Variants in FAT3 observed in about 807,000 individuals in gnomAD.
FAT3 encodes the protein FAT atypical cadherin 3.
Under a neutral mutation model 310.2 loss-of-function variants are expected in FAT3, and 95 were observed. The observed-to-expected ratio is 0.31, with a 90% CI of 0.26 to 0.36. The LOEUF (loss-of-function observed/expected upper bound fraction) is 0.36, where lower values mean the gene tolerates loss of function less well. FAT3 is among the 10% of genes least tolerant of loss of function. FAT3 has a pLI of 1.00. For missense variants in FAT3, 5,408 were observed against 5,715.6 expected, an observed-to-expected ratio of 0.95 and a Z score of 1.74; for synonymous variants, 2,314 against 2,192.9, an observed-to-expected ratio of 1.06 and a Z score of -1.54.
In FAT3 at chr11:92,355,181, T is replaced by C; in HGVS notation, c.3069T>C (p.Ser1023=). 1.2e-6 allele frequency: 2 copies of C among 1,613,842 alleles called. No individual in the cohort carries two copies. Among genetic ancestry groups the C allele is most frequent in the Non-Finnish European group, 8.5e-7 (1 of 1,179,852 alleles). The change falls in exon 2 of 28, where the codon TCT becomes TCC. Residue 1023 remains serine, a synonymous_variant. Transcript: ENST00000525166. ...KDKGRPVSLS[S]VSFVEVEVVD... ...AAGGGCGGCCTGTCTCTCTGTCATC[T>C]GTTTCCTTTGTTGAGGTGGAAGTGG... is the stretch of plus-strand genomic sequence containing the variant.
chr11:92,833,298 C>T (rs1371489823), intron 14 of FAT3, among the ~76,000 whole-genome samples: 2 of 152,174 alleles, frequency 1.3e-5, no homozygotes, highest in African/African-American at 2.4e-5. Flanking sequence ...ACCTTCCAGC[C>T]TTTGCACATA....
chr11:92,773,921 A>G, intron 6 of FAT3, 120 bp from the exon 7 acceptor site: 1 of 944,894 alleles, frequency 1.1e-6, no homozygotes, highest in Non-Finnish European at 1.6e-6. Flanking sequence ...TACAAAATTG[A>G]GCCATAGGGA....
At chr11:92,416,090 A>C (rs1950405058) in intron 2 of FAT3, among the ~76,000 whole-genome samples, 1 of 149,640 alleles carries the variant, frequency 6.7e-6, no homozygotes, top group Non-Finnish European at 1.5e-5. Context: ...AAAAAAAAAA[A>C]AAAAGTCCGG....
intron 4 of FAT3, among the ~76,000 whole-genome samples, chr11:92,704,573 T>C (rs1944208588): frequency 6.6e-6 from 1 of 152,110 alleles, no homozygotes; most frequent in Non-Finnish European, 1.5e-5. Context: ...GGCTGACTAA[T>C]GTCCTTATAA....
At chr11:92,673,341 C>A (rs1943190551) in intron 3 of FAT3, among the ~76,000 whole-genome samples, 2 of 152,156 alleles carry the variant, frequency 1.3e-5, no homozygotes, top group South Asian at 4.1e-4. Context: ...TAGTGAACAT[C>A]CACTATATGT....
At chr11:92,889,159 C>T (rs1165532616) in intron 25 of FAT3, 30 bp from the exon 26 acceptor site, 1 of 703,650 alleles carries the variant, frequency 1.4e-6, no homozygotes, top group Non-Finnish European at 2.6e-6. Flanking sequence ...TGTCCTTCCC[C>T]TACCTCCGAC....
chr11:92,343,861 C>T (rs553380996), intron 1 of FAT3, among the ~76,000 whole-genome samples: 131 of 152,166 alleles, frequency 8.6e-4, no homozygotes, highest in Non-Finnish European at 1.6e-3. Flanking sequence ...TTGATTATAC[C>T]TCACTTCCAA....
chr11:92,292,689 T>C (rs1396629809), intron 1 of FAT3, among the ~76,000 whole-genome samples: 1 of 152,062 alleles, frequency 6.6e-6, no homozygotes, highest in Admixed American at 6.6e-5. Context: ...TAAGGTTCAG[T>C]AGGCAGAGAG....
chr11:92,567,150 C>T (rs1380302208), intron 3 of FAT3, among the ~76,000 whole-genome samples: 3 of 150,736 alleles, frequency 2.0e-5, no homozygotes, highest in Non-Finnish European at 2.9e-5. Flanking sequence ...TGACAAAGGG[C>T]TAATATCCAG....
intron 2 of FAT3, among the ~76,000 whole-genome samples, chr11:92,486,848 C>T (rs1291689082): frequency 6.6e-6 from 1 of 152,110 alleles, no homozygotes; most frequent in East Asian, 1.9e-4. Context: ...TTATTTTTCC[C>T]CTATATCCTG....
At chr11:92,232,653 T>C (rs1347079982) in intron 1 of FAT3, among the ~76,000 whole-genome samples, 7 of 124,068 alleles carry the variant, frequency 5.6e-5, no homozygotes, top group Non-Finnish European at 1.2e-4. Flanking sequence ...TTTTTTTTTT[T>C]TGTTTAACTG....
At chr11:92,733,591 A>G (rs756993472) in intron 4 of FAT3, among the ~76,000 whole-genome samples, 3 of 152,162 alleles carry the variant, frequency 2.0e-5, no homozygotes, top group Non-Finnish European at 2.9e-5. Flanking sequence ...CATCATCAGT[A>G]TGAGACAGAG....
chr11:92,495,031 T>G (rs932768516), intron 2 of FAT3, among the ~76,000 whole-genome samples: 1 of 152,060 alleles, frequency 6.6e-6, no homozygotes, highest in Non-Finnish European at 1.5e-5. Flanking sequence ...TGATTTGCAA[T>G]AGAAAGAAAA....
chr11:92,449,531 A>G (rs528785167), intron 2 of FAT3, among the ~76,000 whole-genome samples: 5 of 152,230 alleles, frequency 3.3e-5, no homozygotes, highest in Admixed American at 3.3e-4. Context: ...TTAGAAATGA[A>G]TAGAATGGGT....
intron 3 of FAT3, among the ~76,000 whole-genome samples, chr11:92,590,609 A>G (rs1939375833): frequency 6.6e-6 from 1 of 152,176 alleles, no homozygotes; most frequent in Non-Finnish European, 1.5e-5. Context: ...GACCAAATGT[A>G]AAGAGGCTAG....
intron 5 of FAT3, among the ~76,000 whole-genome samples, chr11:92,763,100 A>T (rs1267286322): frequency 6.6e-6 from 1 of 151,822 alleles, no homozygotes; most frequent in African/African-American, 2.4e-5. Context: ...CAGAGGTTGC[A>T]GTGAGCCAAG....
intron 3 of FAT3, among the ~76,000 whole-genome samples, chr11:92,556,581 T>A: frequency 6.6e-6 from 1 of 152,190 alleles, no homozygotes; most frequent in South Asian, 2.1e-4. Flanking sequence ...CATCTTCTGA[T>A]ATCAGAAATA....
intron 1 of FAT3, among the ~76,000 whole-genome samples, chr11:92,256,691 C>T (rs890701239): frequency 3.3e-5 from 5 of 151,910 alleles, no homozygotes; most frequent in African/African-American, 9.7e-5. Context: ...TACTCTGGGC[C>T]GTAGGATGTT....
intron 21 of FAT3, among the ~76,000 whole-genome samples, chr11:92,864,733 C>G (rs368774004): frequency 6.6e-6 from 1 of 152,146 alleles, no homozygotes; most frequent in East Asian, 1.9e-4. Context: ...AGGAGAATCC[C>G]TTGAACCAGG....
Sources: allele counts gnomAD v4.1 joint callset (sites outside exome capture counted in the v4.1 genomes callset), GRCh38; gene constraint gnomAD v4.1.1; transcripts MANE v1.5; gene names NCBI Gene and HGNC (gene_info 2026-07-23, HGNC 2026-07-21).